NEMF: variants seen among roughly 807,000 people sequenced by gnomAD.
The protein encoded by NEMF is ribosome quality control complex subunit NEMF.
Under a neutral mutation model 162.2 loss-of-function variants are expected in NEMF, and 89 were observed. That is an observed-to-expected ratio of 0.55 (90% confidence interval 0.46 to 0.65). NEMF has a LOEUF of 0.65. Among genes scored for constraint, NEMF ranks in the 30% least tolerant of loss-of-function variants. The pLI is 0.00. For synonymous variants in NEMF, 421 were observed against 404.5 expected (o/e 1.04, Z -0.49); for missense variants, 1,133 against 1,261.9 (o/e 0.90, Z 1.55).
intron 19 of NEMF, among the ~76,000 whole-genome samples, 197 bp downstream of exon 19, chr14:49,805,821 CCTA>C (rs1329782009): frequency 1.3e-5 from 2 of 152,066 alleles, no homozygotes; most frequent in Non-Finnish European, 2.9e-5. Context: ...AACGGTATCC[CCTA>C]TCACTCTCTA....
intron 28 of NEMF, chr14:49,787,180 A>G (rs1053814974): frequency 6.0e-6 from 1 of 165,728 alleles, no homozygotes; most frequent in African/African-American, 2.4e-5. Context: ...AATTTTTCCC[A>G]TATCCCATAA....
At chr14:49,846,315 C>T (rs1893499762) in intron 3 of NEMF, 50 bp from the exon 4 acceptor site, 7 of 1,568,100 alleles carry the variant, frequency 4.5e-6, no homozygotes, top group Non-Finnish European at 6.1e-6. Flanking sequence ...GAATTCCTAA[C>T]CATTTGGTAT....
At chr14:49,815,656 A>C (rs1313491552) in intron 16 of NEMF, among the ~76,000 whole-genome samples, 1 of 152,128 alleles carries the variant, frequency 6.6e-6, no homozygotes, top group East Asian at 1.9e-4. Flanking sequence ...TGGTTGAATA[A>C]ATTTTTTTAC....
intron 6 of NEMF, among the ~76,000 whole-genome samples, chr14:49,835,315 C>T (rs1892846816): frequency 6.6e-6 from 1 of 151,816 alleles, no homozygotes; most frequent in Non-Finnish European, 1.5e-5. Context: ...ATTTAATGGG[C>T]TTCAACCACA....
At chr14:49,827,269 C>T (rs867739409) in intron 15 of NEMF, among the ~76,000 whole-genome samples, 2 of 152,300 alleles carry the variant, frequency 1.3e-5, no homozygotes, top group Middle Eastern at 3.4e-3. Context: ...TCACTGCAAC[C>T]TCCACCTCCC....
Position 49,785,789 on chromosome 14 carries a change from G to C in NEMF, c.2929-469C>G, listed in dbSNP as rs144874075. Reference sequence around the variant, plus strand: ...AGTCCCAGCTACTCGGAAGACTGAGGGGGGGAGGATCACCTGAGCCCAGGA... The same window carrying C: ...AGTCCCAGCTACTCGGAAGACTGAGCGGGGGAGGATCACCTGAGCCCAGGA... On this transcript the variant is annotated intron_variant, in intron 29 of 32. Transcript: ENST00000298310. 939 of 159,132 alleles carry C rather than the reference G, an allele frequency of 5.9e-3. 12 individuals carry two copies. The highest frequency in any genetic ancestry group is 0.022 in the African/African-American group (894 of 41,336). 9.9% of individuals were successfully genotyped at this position (159,132 alleles called of 1,614,324 possible).
Position 49,800,625 on chromosome 14 carries a change from G to C in NEMF, c.2167C>G (p.Gln723Glu). ...AGAGTGATATCCTCTTGGTCAACCT[G>C]AGTCATGAGTTCTACTTCCACAGGA... ...ETPVEVELMT[Q>E]VDQEDITLQS... Residue 723 changes from glutamine (Q) to glutamate (E), a missense_variant, in exon 23 of 33, where the codon CAG becomes GAG. Physicochemically the swap from Gln to Glu is conservative, Grantham distance 29 (BLOSUM62 2). Coordinates refer to ENST00000298310, the MANE Select transcript of NEMF (RefSeq NM_004713.6). 1 of 1,613,838 alleles carries C rather than the reference G, an allele frequency of 6.2e-7. No individual in the cohort carries two copies. Among genetic ancestry groups the C allele is most frequent in the Non-Finnish European group, 8.5e-7 (1 of 1,179,856 alleles).
At chr14:49,826,172 T>C (rs543371425) in intron 15 of NEMF, among the ~76,000 whole-genome samples, 1 of 152,014 alleles carries the variant, frequency 6.6e-6, no homozygotes, top group Admixed American at 6.6e-5. Context: ...AACTAAAGAA[T>C]TACTACATGA....
Position 49,783,990 on chromosome 14 carries a change from C to A in NEMF, c.*646G>T, listed in dbSNP as rs1194410495. The A allele has an allele frequency of 6.6e-6, 1 of 152,012 alleles. No homozygotes were observed. Among genetic ancestry groups the A allele is most frequent in the Non-Finnish European group, 1.5e-5 (1 of 67,966 alleles). The allele number at this position is 152,012 out of a possible 1,614,324, so 9.4% of individuals were successfully genotyped here. On this transcript the variant is annotated 3_prime_UTR_variant, in exon 33 of 33. Transcript: ENST00000298310. ...TATATTAGATGTTATATACAGTAGA[C>A]TTACCAAGTCAATAGTTTAAGCAAT... is the stretch of plus-strand genomic sequence containing the variant.
chr14:49,828,263 A>C, intron 15 of NEMF, 28 bp downstream of exon 15: 1 of 1,497,784 alleles, frequency 6.7e-7, no homozygotes, highest in Non-Finnish European at 9.3e-7. Flanking sequence ...ACAAACAACT[A>C]ACATTCACTC....
At chr14:49,834,255 C>G (rs1892786705) in intron 7 of NEMF, 108 bp downstream of exon 7, 1 of 711,308 alleles carries the variant, frequency 1.4e-6, no homozygotes, top group Non-Finnish European at 2.4e-6. Flanking sequence ...TGTGCCTGGT[C>G]AAATGTTTTT....
chr14:49,840,831 A>T lies in NEMF; in HGVS notation c.393T>A (p.Ile131=). ...CAGTTCGAAACCTTAGAATATTTAA[A>T]ATTACGTACTCATAATCTGTAAGAA... is the stretch of plus-strand genomic sequence containing the variant. ...NIVLTDYEYV[I]LNILRFRTDE... The change falls in exon 5 of 33, where the codon ATT becomes ATA. Residue 131 remains isoleucine, a synonymous_variant. Coordinates refer to ENST00000298310, the MANE Select transcript of NEMF (RefSeq NM_004713.6). The T allele has an allele frequency of 6.2e-7, 1 of 1,612,502 alleles. No individual in the cohort carries two copies. The highest frequency in any genetic ancestry group is 1.7e-5 in the Admixed American group (1 of 59,554).
Position 49,799,519 on chromosome 14 carries a change from G to C in NEMF, c.2421C>G (p.Asp807Glu), listed in dbSNP as rs1181192474. 6.2e-7 allele frequency: 1 copy of C among 1,611,288 alleles called. No individual in the cohort carries two copies. The highest frequency in any genetic ancestry group is 8.5e-7 in the Non-Finnish European group (1 of 1,179,234). ...ASKEESSNSS[D>E]SKSQSRRHLS... Reference sequence around the variant, plus strand: ...AATGTCTCCGGCTCTGTGATTTACTGTCACTCTATTAAAACAAAAAAACAG... The same window carrying C: ...AATGTCTCCGGCTCTGTGATTTACTCTCACTCTATTAAAACAAAAAAACAG... Residue 807 changes from aspartate (D) to glutamate (E), a missense_variant, in exon 25 of 33, where the codon GAC (aspartate) becomes GAG (glutamate). Transcript: ENST00000298310.
intron 6 of NEMF, among the ~76,000 whole-genome samples, chr14:49,837,590 A>C (rs578241056): frequency 1.3e-5 from 2 of 152,214 alleles, no homozygotes; most frequent in Non-Finnish European, 2.9e-5. Flanking sequence ...TAACAGCTGG[A>C]AAGTTCTAAA....
intron 20 of NEMF, 138 bp downstream of exon 20, chr14:49,803,099 T>A (rs1891029687): frequency 1.5e-6 from 1 of 651,402 alleles, no homozygotes; most frequent in South Asian, 2.2e-5. Flanking sequence ...AAGGCAAAAA[T>A]TTCTTTACTT....
In NEMF at chr14:49,784,959, G is replaced by A. The variant is rs985774635; in HGVS notation, c.3119C>T (p.Thr1040Ile). 3 of 1,613,696 alleles carry A rather than the reference G, an allele frequency of 1.9e-6. No individual in the cohort carries two copies. Among genetic ancestry groups the A allele is most frequent in the Non-Finnish European group, 2.5e-6 (3 of 1,179,888 alleles). ...LNSFMHSKEA[T>I]AREKDLFRSV... Reference sequence around the variant, plus strand: ...GCGGAATAAGTCTTTTTCTCTTGCTGTTGCTTCTTTGGAATGCATGAAACT... The same window carrying A: ...GCGGAATAAGTCTTTTTCTCTTGCTATTGCTTCTTTGGAATGCATGAAACT... The change falls in exon 32 of 33, where the codon ACA becomes ATA. Residue 1040 changes from threonine to isoleucine, a missense_variant. Physicochemically the swap from Thr to Ile is moderately conservative, Grantham distance 89. Transcript: ENST00000298310.
rs1890667978 is a variant in NEMF at position 49,795,827 on chromosome 14, A to G, written c.2583T>C (p.Asn861=). 1.9e-6 allele frequency: 3 copies of G among 1,613,070 alleles called. No individual in the cohort carries two copies. Among genetic ancestry groups the G allele is most frequent in the Non-Finnish European group, 2.5e-6 (3 of 1,179,812 alleles). ...GTTTCATTGGCTGCACAGCCGCAAC[A>G]TTTTTGCTTGTGTTCTGATGAGTTT... is the stretch of plus-strand genomic sequence containing the variant. ...HIETHQNTSK[N]VAAVQPMKRG... is the part of the protein sequence containing the mutation. The change falls in exon 26 of 33, where the codon AAT becomes AAC. Residue 861 remains asparagine (N), a synonymous_variant. Transcript: ENST00000298310.
Position 49,848,966 on chromosome 14 carries a change from A to C in NEMF, c.231+2597T>G, listed in dbSNP as rs1196890735. On this transcript the variant is annotated intron_variant, in intron 3 of 32. Transcript: ENST00000298310. ...GAAAAAAAACAACAATAAACACATA[A>C]ATTCATTATTAAAATTAATGCTAAC... Among the ~76,000 whole-genome samples, 5 of 152,162 alleles carry C rather than the reference A, an allele frequency of 3.3e-5. 1 individual carries two copies. Among genetic ancestry groups the C allele is most frequent in the African/African-American group, 1.2e-4 (5 of 41,446 alleles).
At chr14:49,850,914 T>G (rs1025456123) in intron 3 of NEMF, among the ~76,000 whole-genome samples, 3 of 152,052 alleles carry the variant, frequency 2.0e-5, no homozygotes, top group Non-Finnish European at 4.4e-5. Context: ...TTAAAAAAAT[T>G]AATGTTGGGC....
Sources: allele counts gnomAD v4.1 joint callset (sites outside exome capture counted in the v4.1 genomes callset), GRCh38; gene constraint gnomAD v4.1.1; transcripts MANE v1.5; gene names NCBI Gene and HGNC (gene_info 2026-07-23, HGNC 2026-07-21).